The following FXR1 variants were observed in gnomAD, a reference collection of about 807,000 sequenced individuals.
FXR1 encodes FMR1 autosomal homolog 1, also known as RNA-binding protein FXR1.
In FXR1, 15 loss-of-function variants were observed where a neutral mutation model predicts 84.0. That is an observed-to-expected ratio of 0.18 (90% confidence interval 0.12 to 0.27). FXR1 has a LOEUF of 0.27. FXR1 is among the 10% of genes least tolerant of loss of function. The pLI, the probability that FXR1 is intolerant of heterozygous loss-of-function variation, is 1.00. For synonymous variants in FXR1, 245 were observed against 250.7 expected (o/e 0.98, Z 0.21); for missense variants, 480 against 774.4 (o/e 0.62, Z 4.51).
intron 1 of FXR1, chr3:180,915,453 G>A (rs1355966750): frequency 8.4e-6 from 11 of 1,302,164 alleles, no homozygotes; most frequent in Non-Finnish European, 8.5e-6. Flanking sequence ...TTTGAGTCCG[G>A]CTTCCATTTA....
intron 10 of FXR1, 63 bp downstream of exon 10, chr3:180,957,991 G>A (rs1711548749): frequency 5.7e-6 from 4 of 700,514 alleles, no homozygotes; most frequent in Non-Finnish European, 1.0e-5. Flanking sequence ...CTTAATAGTT[G>A]TAAACATTTT....
chr3:180,931,026 C>CAAAAAAAAAAAAA (rs57731098), intron 1 of FXR1, among the ~76,000 whole-genome samples: 1,471 of 55,506 alleles, frequency 0.027, 188 homozygotes, highest in African/African-American at 0.036. Flanking sequence ...GAGACTGCCT[C>CAAAAAAAAAAAAA]AAAAAAAAAA....
At chr3:180,952,076 A>G (rs1439460277) in intron 8 of FXR1, among the ~76,000 whole-genome samples, 1 of 152,134 alleles carries the variant, frequency 6.6e-6, no homozygotes, top group Non-Finnish European at 1.5e-5. Context: ...CATCTTATCT[A>G]TATTTTTATA....
chr3:180,932,618 A>G (rs1346618407), intron 1 of FXR1, among the ~76,000 whole-genome samples: 1 of 152,228 alleles, frequency 6.6e-6, no homozygotes, highest in Non-Finnish European at 1.5e-5. Flanking sequence ...AGGCTGAAAA[A>G]TGACCGCCAA....
intron 3 of FXR1, among the ~76,000 whole-genome samples, chr3:180,937,641 A>G (rs1039428338): frequency 3.3e-5 from 5 of 152,242 alleles, no homozygotes; most frequent in Middle Eastern, 3.4e-3. Context: ...AAAAATTAAT[A>G]TAAGGAAAAA....
chr3:180,951,924 A>G (rs1283517177), intron 8 of FXR1, among the ~76,000 whole-genome samples: 1 of 152,172 alleles, frequency 6.6e-6, no homozygotes, highest in Non-Finnish European at 1.5e-5. Context: ...TTATTCAGCC[A>G]GGTGCAGTGG....
chr3:180,928,899 AT>A (rs1560167048), intron 1 of FXR1, among the ~76,000 whole-genome samples: 1 of 149,556 alleles, frequency 6.7e-6, no homozygotes, highest in East Asian at 2.0e-4. Flanking sequence ...CCCTACTTTC[AT>A]TTTACACTTA....
At chr3:180,975,748 C>T (rs1182065975) in intron 16 of FXR1, among the ~76,000 whole-genome samples, 1 of 152,080 alleles carries the variant, frequency 6.6e-6, no homozygotes, top group African/African-American at 2.4e-5. Flanking sequence ...AAATGCTTTA[C>T]AGTATTTGAT....
rs532105535 is a variant in FXR1 at position 180,976,063 on chromosome 3, C to A, written c.1696-59C>A. 1.5e-5 allele frequency: 20 copies of A among 1,325,952 alleles called. No individual in the cohort carries two copies. In the Admixed American group the frequency reaches 3.5e-4, roughly 23 times the overall value. 82.1% of individuals were successfully genotyped at this position (1,325,952 alleles called of 1,614,324 possible). ...TAATTAGTGTTTATGTAGCTGTTTT[C>A]CTCCTCAGCTATAGATTTCATTTAT... On this transcript the variant is annotated intron_variant, in intron 16 of 16. Coordinates refer to ENST00000357559, the MANE Select transcript of FXR1 (RefSeq NM_005087.4).
intron 15 of FXR1, chr3:180,970,998 C>A: frequency 3.2e-6 from 1 of 315,310 alleles, no homozygotes; most frequent in Non-Finnish European, 5.3e-6. Context: ...CCCTTTAAAT[C>A]TTTGAAGGAA....
At chr3:180,918,533 A>T (rs889161429) in intron 1 of FXR1, among the ~76,000 whole-genome samples, 2 of 152,202 alleles carry the variant, frequency 1.3e-5, no homozygotes, top group Non-Finnish European at 2.9e-5. Context: ...ATCACTCTGG[A>T]TAAGTTCTCT....
intron 3 of FXR1, among the ~76,000 whole-genome samples, chr3:180,935,654 C>T (rs948629048): frequency 3.9e-5 from 6 of 151,936 alleles, no homozygotes; most frequent in South Asian, 4.1e-4. Context: ...TATGTAACAA[C>T]GTGAAATATT....
intron 1 of FXR1, chr3:180,915,669 C>G (rs917023617): frequency 2.0e-5 from 14 of 702,622 alleles, no homozygotes; most frequent in East Asian, 5.4e-5. Context: ...CCTCTTACCC[C>G]GTATAGGCAG....
chr3:180,944,946 G>GTTTA (rs1159915236), intron 3 of FXR1, among the ~76,000 whole-genome samples: 1 of 152,208 alleles, frequency 6.6e-6, no homozygotes, highest in Non-Finnish European at 1.5e-5. Flanking sequence ...TTTAGTGAGG[G>GTTTA]TTTAAACATA....
chr3:180,944,144 C>T (rs1285040454), intron 3 of FXR1, among the ~76,000 whole-genome samples: 4 of 151,910 alleles, frequency 2.6e-5, no homozygotes, highest in African/African-American at 9.7e-5. Flanking sequence ...AACTCCTGAC[C>T]TCAGGTGATC....
intron 13 of FXR1, among the ~76,000 whole-genome samples, chr3:180,964,697 A>ATATATATATATATATATATATG (rs1712590393): frequency 1.4e-5 from 2 of 142,912 alleles, no homozygotes; most frequent in African/African-American, 5.0e-5. Context: ...ATATATATAT[A>ATATATATATATATATATATATG]TATAATGAGT....
At chr3:180,961,668 T>A in intron 11 of FXR1, 114 bp downstream of exon 11, 1 of 537,298 alleles carries the variant, frequency 1.9e-6, no homozygotes, top group Non-Finnish European at 3.3e-6. Context: ...ATATTTGAAG[T>A]AAACTTCAAA....
chr3:180,981,527 A>T lies in FXR1; in HGVS notation c.*5235A>T, dbSNP rs1333915912. On this transcript the variant is annotated 3_prime_UTR_variant, in exon 17 of 17. Coordinates refer to ENST00000357559, the MANE Select transcript of FXR1 (RefSeq NM_005087.4). ...ATACAGCACCTTAGGACTCATTTCTAATGTCAACCCAGATGGCCAGTAAAG... is the reference window on the plus strand; with the variant it reads ...ATACAGCACCTTAGGACTCATTTCTTATGTCAACCCAGATGGCCAGTAAAG... 1 of 152,044 alleles carries T rather than the reference A, an allele frequency of 6.6e-6. No individual in the cohort carries two copies. The highest frequency in any genetic ancestry group is 1.9e-4 in the East Asian group (1 of 5,182). 9.4% of individuals were successfully genotyped at this position (152,044 alleles called of 1,614,324 possible). A position where few individuals can be genotyped will look rare whatever the true frequency, so the allele number is the denominator to read the frequency against.
intron 7 of FXR1, among the ~76,000 whole-genome samples, chr3:180,950,472 TTTC>T (rs1397044993): frequency 2.0e-5 from 3 of 152,204 alleles, no homozygotes; most frequent in African/African-American, 7.2e-5. Context: ...TCGGTGGTTT[TTTC>T]TTCTTGGGTT....
Sources: gnomAD v4.1 joint callset for allele counts (sites outside exome capture counted in the v4.1 genomes callset) on GRCh38, gnomAD v4.1.1 for gene constraint, MANE v1.5 for transcripts, NCBI Gene and HGNC (gene_info 2026-07-23, HGNC 2026-07-21) for gene names.